TENM1: variants seen among roughly 807,000 people sequenced by gnomAD.
TENM1 encodes the protein teneurin transmembrane protein 1.
TENM1 carries 35 observed loss-of-function variants against 174.8 expected under a neutral mutation model. That is an observed-to-expected ratio of 0.20 (90% CI 0.15 to 0.27). The LOEUF is 0.27. Among genes scored for constraint, TENM1 ranks in the 10% least tolerant of loss-of-function variants. TENM1 has a pLI of 1.00. For missense variants in TENM1, 1,633 were observed against 2,130.1 expected, an observed-to-expected ratio of 0.77 and a Z score of 4.59; for synonymous variants, 781 against 798.7, an observed-to-expected ratio of 0.98 and a Z score of 0.37.
rs747483750 is a variant in TENM1, at chrX:124,926,837, TG to T, written c.218-30597del. ...ATTAAAGTCTGTCAAAATTATGCAA[TG>T]TTCTACATGGACATACTCATCTCTT... On this transcript the variant is annotated intron_variant, in intron 1 of 31. Coordinates refer to ENST00000422452, the Ensembl canonical transcript of TENM1. 6.2e-5 allele frequency among the ~76,000 whole-genome samples: 7 copies of T among 112,226 alleles called. No individual in the cohort carries two copies. In the South Asian group the frequency reaches 2.6e-3, roughly 41 times the overall value.
rs1035490216 is a variant in TENM1, at chrX:124,616,415, C to T, written c.2077+25376G>A. Among the ~76,000 whole-genome samples, 7 of 112,499 alleles carry T rather than the reference C, an allele frequency of 6.2e-5. No homozygotes were observed. The South Asian group carries it at 1.5e-3, about 24-fold the overall frequency. ...CTTGTAATACCTGCATTACAATCACCTGGGTAGCTTGTTAAACATGCTGCT... is the reference window on the plus strand; with the variant it reads ...CTTGTAATACCTGCATTACAATCACTTGGGTAGCTTGTTAAACATGCTGCT... On this transcript the variant is annotated intron_variant, in intron 11 of 31. Transcript: ENST00000422452.
chrX:124,621,571 T>C (rs1407120371), intron 11 of TENM1, among the ~76,000 whole-genome samples: 2 of 112,397 alleles, frequency 1.8e-5, no homozygotes, highest in African/African-American at 3.2e-5. Context: ...GAAAGTACTT[T>C]TATATAATAT....
the TENM1 span, among the ~76,000 whole-genome samples, chrX:125,017,416 T>G: frequency 8.9e-6 from 1 of 111,899 alleles, no homozygotes; most frequent in African/African-American, 3.2e-5. Flanking sequence ...GCTTTTACAC[T>G]GTTGGTGGGA....
chrX:124,654,697 A>C (rs769033581), intron 6 of TENM1, among the ~76,000 whole-genome samples: 2 of 111,460 alleles, frequency 1.8e-5, no homozygotes, highest in East Asian at 5.6e-4. Context: ...GGCCTAGAGG[A>C]CCAGTCAAAA....
At chrX:124,479,582 C>A (rs1236237160) in intron 22 of TENM1, among the ~76,000 whole-genome samples, 1 of 111,223 alleles carries the variant, frequency 9.0e-6, no homozygotes, top group African/African-American at 3.3e-5. Context: ...TTTATTACTG[C>A]TGCTTTCCAA....
At chrX:124,626,922 CATT>C (rs764085995) in intron 11 of TENM1, among the ~76,000 whole-genome samples, 1 of 112,362 alleles carries the variant, frequency 8.9e-6, no homozygotes, top group Non-Finnish European at 1.9e-5. Flanking sequence ...TGGTGGCAAA[CATT>C]ATAGATTTTA....
At chrX:124,781,233 C>A (rs1024743385) in intron 3 of TENM1, among the ~76,000 whole-genome samples, 1 of 111,708 alleles carries the variant, frequency 9.0e-6, no homozygotes, top group Non-Finnish European at 1.9e-5. Flanking sequence ...TCTAAGCACA[C>A]CATACACTTA....
At chrX:125,128,835 GTTA>G in the TENM1 span, among the ~76,000 whole-genome samples, 2 of 111,641 alleles carry the variant, frequency 1.8e-5, no homozygotes, top group Non-Finnish European at 3.8e-5. Context: ...CTCAAAAAAA[GTTA>G]TTATGAACAT....
intron 11 of TENM1, among the ~76,000 whole-genome samples, chrX:124,604,405 A>G (rs1033403570): frequency 9.0e-6 from 1 of 111,652 alleles, no homozygotes; most frequent in Admixed American, 9.5e-5. Context: ...AAACAGAACC[A>G]CATTGTTATT....
intron 23 of TENM1, among the ~76,000 whole-genome samples, chrX:124,448,603 T>G (rs1286275432): frequency 4.5e-5 from 5 of 111,859 alleles, no homozygotes; most frequent in Admixed American, 1.9e-4. Flanking sequence ...CACCCTCACT[T>G]ACCTTTCTAG....
the TENM1 span, among the ~76,000 whole-genome samples, chrX:125,178,035 C>A: frequency 1.8e-5 from 2 of 111,281 alleles, no homozygotes; most frequent in African/African-American, 3.3e-5. Flanking sequence ...TCTTTATGAG[C>A]CTTGCAGATG....
At chrX:124,462,429 T>TGGGGGGGGGGGG (rs1487840715) in intron 22 of TENM1, among the ~76,000 whole-genome samples, 1 of 28,818 alleles carries the variant, frequency 3.5e-5, no homozygotes, top group African/African-American at 1.8e-4. Flanking sequence ...TGTGTGTGTG[T>TGGGGGGGGGGGG]GTGGGGGGGG....
At chrX:125,082,983 T>G in the TENM1 span, among the ~76,000 whole-genome samples, 2 of 111,326 alleles carry the variant, frequency 1.8e-5, no homozygotes, top group Non-Finnish European at 3.8e-5. Flanking sequence ...AAATTATATT[T>G]TATTCATTTA....
chrX:125,175,815 T>A, the TENM1 span, among the ~76,000 whole-genome samples: 2 of 111,814 alleles, frequency 1.8e-5, no homozygotes, highest in African/African-American at 6.5e-5. Flanking sequence ...CCAGTTACTA[T>A]TGTAGAGTGC....
chrX:124,952,348 G>C (rs1240850833), intron 1 of TENM1, among the ~76,000 whole-genome samples: 1 of 109,588 alleles, frequency 9.1e-6, no homozygotes, highest in Admixed American at 9.8e-5. Flanking sequence ...GTGTGTGTGT[G>C]TGTGTGTGTG....
intron 11 of TENM1, among the ~76,000 whole-genome samples, chrX:124,571,221 G>A (rs1358174026): frequency 9.0e-6 from 1 of 111,356 alleles, no homozygotes; most frequent in Admixed American, 9.6e-5. Context: ...ATCCCAGAAA[G>A]GTGTTCTTTA....
At chrX:125,170,773 T>C in the TENM1 span, among the ~76,000 whole-genome samples, 1 of 111,324 alleles carries the variant, frequency 9.0e-6, no homozygotes, top group East Asian at 2.9e-4. Context: ...ACCACTCCAA[T>C]ACCTTCTCAT....
chrX:124,812,260 T>C (rs1248519000), intron 3 of TENM1, among the ~76,000 whole-genome samples: 1 of 111,360 alleles, frequency 9.0e-6, no homozygotes, highest in African/African-American at 3.2e-5. Context: ...TTGTACATGA[T>C]AAATATAATT....
At chrX:125,051,206 C>G in the TENM1 span, among the ~76,000 whole-genome samples, 3 of 111,505 alleles carry the variant, frequency 2.7e-5, no homozygotes, top group Non-Finnish European at 3.8e-5. Flanking sequence ...AGGATACAAA[C>G]AAATGGAAGA....
Sources: allele counts gnomAD v4.1 joint callset (sites outside exome capture counted in the v4.1 genomes callset), GRCh38; gene constraint gnomAD v4.1.1; transcripts MANE v1.5; gene names NCBI Gene and HGNC (gene_info 2026-07-23, HGNC 2026-07-21).